PTN: variants seen among roughly 807,000 people sequenced by gnomAD.
PTN encodes heparin affin regulatory protein.
PTN carries 18 observed loss-of-function variants against 24.1 expected under a neutral mutation model. The ratio of observed to expected loss-of-function variants is 0.75; its 90% CI spans 0.52 to 1.11. The LOEUF is 1.11. Ranked by LOEUF, PTN falls within the 50% of genes least tolerant of loss-of-function variation. The pLI, the probability that PTN is intolerant of heterozygous loss-of-function variation, is 0.00. For synonymous variants in PTN, 78 were observed against 68.6 expected (o/e 1.14, Z -0.67); for missense variants, 163 against 198.8 (o/e 0.82, Z 1.08).
At chr7:137,330,002 G>A (rs1810323236) in intron 1 of PTN, among the ~76,000 whole-genome samples, 1 of 152,164 alleles carries the variant, frequency 6.6e-6, no homozygotes, top group Admixed American at 6.5e-5. Flanking sequence ...AATAATGCCA[G>A]TTGGTCGGGT....
chr7:137,327,203 T>C (rs1438926799), intron 1 of PTN, among the ~76,000 whole-genome samples: 1 of 152,206 alleles, frequency 6.6e-6, no homozygotes, highest in Non-Finnish European at 1.5e-5. Context: ...TGTTACTTCT[T>C]TAAAAATGAT....
rs557114482 is a variant in PTN at position 137,260,745 on chromosome 7, T to C, written c.-1-5771A>G. ...CAGAGGCTTAATCAGACTCAGGTGC[T>C]ATCCCTTTGGTAAGAATGTAAATAA... On this transcript the variant is annotated intron_variant, in intron 1 of 4. Coordinates refer to ENST00000348225, the MANE Select transcript of PTN (RefSeq NM_002825.7). Among the ~76,000 whole-genome samples the C allele has an allele frequency of 5.6e-4, 86 of 152,300 alleles. No individual in the cohort carries two copies. The South Asian group carries it at 6.4e-3, about 11-fold the overall frequency.
chr7:137,337,397 C>A (rs143121620), intron 1 of PTN, among the ~76,000 whole-genome samples: 3 of 152,046 alleles, frequency 2.0e-5, no homozygotes, highest in African/African-American at 7.2e-5. Context: ...CTTCTCTAAG[C>A]CTGCATTTCT....
At chr7:137,239,625 C>T (rs913560513) in intron 4 of PTN, among the ~76,000 whole-genome samples, 4 of 151,862 alleles carry the variant, frequency 2.6e-5, no homozygotes, top group Non-Finnish European at 5.9e-5. Flanking sequence ...TGTTCAATTC[C>T]CACCTATGAG....
At chr7:137,329,001 T>C (rs1281273197) in intron 1 of PTN, among the ~76,000 whole-genome samples, 7 of 152,136 alleles carry the variant, frequency 4.6e-5, no homozygotes, top group South Asian at 2.1e-4. Flanking sequence ...TAGAAGAGTA[T>C]GACGTTTAAG....
At chr7:137,283,925 T>TA (rs1809512179) in intron 1 of PTN, among the ~76,000 whole-genome samples, 1 of 141,942 alleles carries the variant, frequency 7.0e-6, no homozygotes, top group East Asian at 2.2e-4. Context: ...GCAGTGTTGA[T>TA]AAAATGAATG....
chr7:137,308,697 TC>T (rs1809928863), intron 1 of PTN, among the ~76,000 whole-genome samples: 1 of 152,076 alleles, frequency 6.6e-6, no homozygotes, highest in Non-Finnish European at 1.5e-5. Flanking sequence ...GACGAGATGC[TC>T]CTGATCCAGT....
chr7:137,245,747 G>C (rs954998838), intron 4 of PTN, among the ~76,000 whole-genome samples: 1 of 152,212 alleles, frequency 6.6e-6, no homozygotes, highest in Non-Finnish European at 1.5e-5. Flanking sequence ...GGAGGTGGAA[G>C]ACAGTGATGT....
At chr7:137,334,047 C>T (rs570301522) in intron 1 of PTN, among the ~76,000 whole-genome samples, 131 of 152,174 alleles carry the variant, frequency 8.6e-4, no homozygotes, top group Middle Eastern at 3.4e-3. Flanking sequence ...TAATTCAAGA[C>T]GGATTAAAGA....
At chr7:137,313,028 T>A (rs1465229287) in intron 1 of PTN, among the ~76,000 whole-genome samples, 1 of 152,070 alleles carries the variant, frequency 6.6e-6, no homozygotes, top group Admixed American at 6.6e-5. Context: ...TTCTAGGTAC[T>A]TCCTACAAGT....
At chr7:137,235,175 C>T (rs950941094) in intron 4 of PTN, among the ~76,000 whole-genome samples, 19 of 152,022 alleles carry the variant, frequency 1.2e-4, no homozygotes, top group Non-Finnish European at 7.4e-5. Context: ...ACCATCGCAA[C>T]GTAAATATGT....
chr7:137,238,065 T>C (rs923494541), intron 4 of PTN, among the ~76,000 whole-genome samples: 1 of 152,188 alleles, frequency 6.6e-6, no homozygotes, highest in Non-Finnish European at 1.5e-5. Flanking sequence ...CAAATATTGT[T>C]TACTCCTCTA....
chr7:137,253,900 G>A (rs1808872314), intron 2 of PTN, among the ~76,000 whole-genome samples: 1 of 152,192 alleles, frequency 6.6e-6, no homozygotes, highest in Admixed American at 6.5e-5. Flanking sequence ...CAGAGACTGT[G>A]CTAAGTGATT....
chr7:137,313,209 T>G (rs1214602565), intron 1 of PTN, among the ~76,000 whole-genome samples: 1 of 152,048 alleles, frequency 6.6e-6, no homozygotes, highest in Non-Finnish European at 1.5e-5. Flanking sequence ...CTCGGCTTGC[T>G]CAATATCCAC....
intron 4 of PTN, among the ~76,000 whole-genome samples, chr7:137,243,349 G>A (rs1471803076): frequency 6.6e-6 from 1 of 152,176 alleles, no homozygotes. Context: ...GGTAATTCCA[G>A]TGAGGAGAGA....
chr7:137,253,728 G>A (rs1808869720), intron 2 of PTN, 91 bp from the exon 3 acceptor site: 1 of 1,144,428 alleles, frequency 8.7e-7, no homozygotes, highest in African/African-American at 1.6e-5. Context: ...CTTAATTGCA[G>A]GATCTGTGTT....
chr7:137,338,732 A>G (rs896643559), intron 1 of PTN, among the ~76,000 whole-genome samples: 1 of 152,182 alleles, frequency 6.6e-6, no homozygotes, highest in African/African-American at 2.4e-5. Context: ...ACTATGCGTA[A>G]AAGTCTGGTA....
At chr7:137,251,847 G>T (rs1808833056) in intron 3 of PTN, among the ~76,000 whole-genome samples, 1 of 151,840 alleles carries the variant, frequency 6.6e-6, no homozygotes, top group Non-Finnish European at 1.5e-5. Context: ...ATCCATCCAA[G>T]TCATGTGCAT....
chr7:137,323,391 T>C (rs535786740), intron 1 of PTN, among the ~76,000 whole-genome samples: 2 of 152,310 alleles, frequency 1.3e-5, no homozygotes, highest in East Asian at 3.9e-4. Context: ...TATTAATAAA[T>C]TATGTTGTTG....
Sources: gnomAD v4.1 joint callset for allele counts (sites outside exome capture counted in the v4.1 genomes callset) on GRCh38, gnomAD v4.1.1 for gene constraint, MANE v1.5 for transcripts, NCBI Gene and HGNC (gene_info 2026-07-23, HGNC 2026-07-21) for gene names.